Variants in BACE1 observed in about 807,000 individuals in gnomAD.
The protein encoded by BACE1 is APP beta-secretase.
In BACE1, 21 loss-of-function variants were observed where a neutral mutation model predicts 54.0. That is an observed-to-expected ratio of 0.39 (90% CI 0.28 to 0.56). The LOEUF is 0.56. Ranked by LOEUF, BACE1 falls within the 20% of genes least tolerant of loss-of-function variation. The probability of loss-of-function intolerance (pLI) is 0.63; values close to 1 mark genes in which losing one functional copy is unlikely to be tolerated. For synonymous variants in BACE1, 232 were observed against 260.9 expected, an observed-to-expected ratio of 0.89 and a Z score of 1.07; for missense variants, 511 against 661.2, an observed-to-expected ratio of 0.77 and a Z score of 2.49.
intron 1 of BACE1, 148 bp from the exon 2 acceptor site, chr11:117,297,109 C>G: frequency 1.6e-6 from 1 of 625,998 alleles, no homozygotes; most frequent in South Asian, 1.9e-5. Context: ...GGCTGGCACC[C>G]GTTACCACCA....
intron 1 of BACE1, chr11:117,299,752 A>T (rs762700941): frequency 7.6e-5 from 24 of 317,430 alleles, no homozygotes; most frequent in Non-Finnish European, 9.7e-5. Flanking sequence ...GTTCAGATGA[A>T]ATCAACCAGG....
intron 1 of BACE1, among the ~76,000 whole-genome samples, chr11:117,311,788 G>A (rs1172962897): frequency 1.3e-5 from 2 of 151,962 alleles, no homozygotes; most frequent in Admixed American, 6.6e-5. Flanking sequence ...CTACAGGCAC[G>A]CGCCACCACA....
chr11:117,299,165 C>A (rs2034666393), intron 1 of BACE1, among the ~76,000 whole-genome samples: 1 of 152,088 alleles, frequency 6.6e-6, no homozygotes, highest in Non-Finnish European at 1.5e-5. Context: ...TCAGTCAGAC[C>A]AGAGCCATTT....
chr11:117,299,292 C>T (rs1330149576), intron 1 of BACE1, among the ~76,000 whole-genome samples: 5 of 152,182 alleles, frequency 3.3e-5, no homozygotes, highest in South Asian at 2.1e-4. Flanking sequence ...TCAGGTTCTC[C>T]TCTGCCCCAG....
Position 117,290,968 on chromosome 11 carries a change from G to A in BACE1, c.1024C>T (p.Pro342Ser). 1 of 1,614,204 alleles carries A rather than the reference G, an allele frequency of 6.2e-7. No homozygotes were observed. The highest frequency in any genetic ancestry group is 8.5e-7 in the Non-Finnish European group (1 of 1,180,038). Residue 342 changes from proline to serine, a missense_variant, in exon 7 of 9, where the codon CCA becomes TCA. Physicochemically the swap from Pro to Ser is moderately conservative, Grantham distance 74. Transcript: ENST00000313005. ...QAGTTPWNIF[P>S]VISLYLMGEV... ...CCCATTAGGTAGAGTGAGATGACTG[G>A]GAAAATGTTCCAAGGGGTGGTGCCT...
rs777387621 is a variant in BACE1 at position 117,293,079 on chromosome 11, T to C, written c.815A>G (p.Gln272Arg). The change falls in exon 5 of 9, where the codon CAG becomes CGG. Residue 272 changes from glutamine to arginine, a missense_variant. Coordinates refer to ENST00000313005, the MANE Select transcript of BACE1 (RefSeq NM_012104.6). This position sits in a 1 kb window ranked among gnomAD's most constrained non-coding sequence, Gnocchi z 4.1. ...VIIVRVEINGQDLKMDCKEYN... is the reference protein window; with the variant it reads ...VIIVRVEINGRDLKMDCKEYN... ...CTCCTTGCAGTCCATTTTCAGATCC[T>C]GTCCATTGATCTCCACCCGCACAAT... The C allele has an allele frequency of 1.2e-6, 2 of 1,614,076 alleles. No individual in the cohort carries two copies. Among genetic ancestry groups the C allele is most frequent in the South Asian group, 1.1e-5 (1 of 91,056 alleles).
chr11:117,291,581 A>G (rs2034438391), intron 6 of BACE1, 131 bp downstream of exon 6: 3 of 644,422 alleles, frequency 4.7e-6, no homozygotes, highest in Non-Finnish European at 8.1e-6. Context: ...TGGCTAGGGG[A>G]AGAGTGTTTT....
rs571792562 is a variant in BACE1 at position 117,286,107 on chromosome 11, T to A, written c.*3459A>T. 2 of 152,778 alleles carry A rather than the reference T, an allele frequency of 1.3e-5. No individual in the cohort carries two copies. The highest frequency in any genetic ancestry group is 4.1e-4 in the South Asian group (2 of 4,824). The allele number at this position is 152,778 out of a possible 1,614,324, so 9.5% of individuals were successfully genotyped here. ...CCAGACAGGCACTGGGGTGAGGAGA[T>A]GTCTGTGCAAAATTACTTGTAGAAT... On this transcript the variant is annotated 3_prime_UTR_variant, in exon 9 of 9. Transcript: ENST00000313005.
rs146986446 is a variant in BACE1 at position 117,304,884 on chromosome 11, G to A, written c.262-7923C>T. ...TTACCTAGCCCTGAGTAGATGCTCC[G>A]TAATGATTTTTTTTTTAATTGACAG... On this transcript the variant is annotated intron_variant, in intron 1 of 8. Transcript: ENST00000313005. Among the ~76,000 whole-genome samples the A allele has an allele frequency of 6.0e-4, 91 of 151,338 alleles. 1 individual carries two copies. The East Asian group carries it at 0.014, about 24-fold the overall frequency.
In BACE1 at chr11:117,309,911, A is replaced by G. The variant is rs182768559; in HGVS notation, c.261+5624T>C. Among the ~76,000 whole-genome samples the G allele has an allele frequency of 1.4e-4, 21 of 152,144 alleles. No homozygotes were observed. The East Asian group carries it at 3.5e-3, about 25-fold the overall frequency. On this transcript the variant is annotated intron_variant, in intron 1 of 8. Transcript: ENST00000313005. ...AAAATGAGATAACATCCTTTTATTTATTTATTATTTATTTAGAGACAGGGT... is the reference window on the plus strand; with the variant it reads ...AAAATGAGATAACATCCTTTTATTTGTTTATTATTTATTTAGAGACAGGGT...
chr11:117,292,925 C>T, intron 5 of BACE1, 129 bp downstream of exon 5: 1 of 1,175,558 alleles, frequency 8.5e-7, no homozygotes, highest in Non-Finnish European at 1.2e-6. Flanking sequence ...CTGTTCTAGG[C>T]TCAACTTCCA....
In BACE1 at chr11:117,290,992, C is replaced by T. The variant is rs1275908168; in HGVS notation, c.1000G>A (p.Gly334Ser). 6.2e-7 allele frequency: 1 copy of T among 1,614,178 alleles called. No individual in the cohort carries two copies. Residue 334 changes from glycine to serine, a missense_variant, in exon 7 of 9, where the codon GGC becomes AGC. This residue lies in a region of BACE1 where 407 missense variants were observed against 565.7 expected (regional missense o/e 0.72). Coordinates refer to ENST00000313005, the MANE Select transcript of BACE1 (RefSeq NM_012104.6). ...GGGAAAATGTTCCAAGGGGTGGTGCCTGCTTGCCAGCACACCAGCTGCTCT... is the reference window on the plus strand; with the variant it reads ...GGGAAAATGTTCCAAGGGGTGGTGCTTGCTTGCCAGCACACCAGCTGCTCT... ...LGEQLVCWQA[G>S]TTPWNIFPVI...
In BACE1 at chr11:117,285,798, C is replaced by T. The variant is rs567589741; in HGVS notation, c.*3768G>A. 2.6e-5 allele frequency: 4 copies of T among 152,352 alleles called. No homozygotes were observed. The highest frequency in any genetic ancestry group is 2.1e-4 in the South Asian group (1 of 4,812). The allele number at this position is 152,352 out of a possible 1,614,324, so 9.4% of individuals were successfully genotyped here. A position where few individuals can be genotyped will look rare whatever the true frequency, so the allele number is the denominator to read the frequency against. On this transcript the variant is annotated 3_prime_UTR_variant, in exon 9 of 9. Coordinates refer to ENST00000313005, the MANE Select transcript of BACE1 (RefSeq NM_012104.6). ...TTTTACATCACCAAAATTCACAGTCCGAGAATAACAACATAACCAGGTCCC... is the reference window on the plus strand; with the variant it reads ...TTTTACATCACCAAAATTCACAGTCTGAGAATAACAACATAACCAGGTCCC...
At chr11:117,290,277 A>T (rs868333576) in intron 8 of BACE1, among the ~76,000 whole-genome samples, 1 of 152,196 alleles carries the variant, frequency 6.6e-6, no homozygotes, top group African/African-American at 2.4e-5. Context: ...GGTTTCCAAC[A>T]GAGGTTACCA....
rs2134437024 is a variant in BACE1 at position 117,288,211 on chromosome 11, T to C, written c.*1355A>G. 1 of 152,356 alleles carries C rather than the reference T, an allele frequency of 6.6e-6. No individual in the cohort carries two copies. The highest frequency in any genetic ancestry group is 1.5e-5 in the Non-Finnish European group (1 of 68,024). 9.4% of individuals were successfully genotyped at this position (152,356 alleles called of 1,614,324 possible). A position where few individuals can be genotyped will look rare whatever the true frequency, so the allele number is the denominator to read the frequency against. On this transcript the variant is annotated 3_prime_UTR_variant, in exon 9 of 9. Transcript: ENST00000313005. ...AGGAAGCCCTGAGGCTGCCATCCTT[T>C]CTCCAGGCAGCCTTGATACTGAAGG...
At chr11:117,291,986 G>A in intron 5 of BACE1, 173 bp from the exon 6 acceptor site, 1 of 481,542 alleles carries the variant, frequency 2.1e-6, no homozygotes, top group East Asian at 3.4e-5. Context: ...CATCTCTAAA[G>A]TGAGGATAAA....
At position 117,293,980 on chromosome 11, in the gene BACE1, T is replaced by C; in HGVS notation, c.596A>G (p.Asp199Gly). The stretch of plus-strand genomic sequence containing the variant: ...AACGTGGGTCTGCTTTACCAGAGAG[T>C]CAAAGAAAGGCTCCAGGGAGTCGTC... Reference protein sequence around the residue: ...RPDDSLEPFFDSLVKQTHVPN... With the variant: ...RPDDSLEPFFGSLVKQTHVPN... Residue 199 changes from aspartate (D) to glycine (G), a missense_variant, in exon 4 of 9, where the codon GAC (aspartate) becomes GGC (glycine). Around this residue, in one of 2 missense-constraint regions of BACE1, gnomAD observed 407 missense variants for 565.7 expected, o/e 0.72. Transcript: ENST00000313005. The surrounding 1 kb of genome is among the most constrained non-coding windows in gnomAD (Gnocchi z 4.1). The C allele has an allele frequency of 6.2e-7, 1 of 1,613,208 alleles. No homozygotes were observed. The highest frequency in any genetic ancestry group is 1.1e-5 in the South Asian group (1 of 91,016).
intron 2 of BACE1, 187 bp from the exon 3 acceptor site, chr11:117,295,534 A>T (rs1487558915): frequency 6.5e-7 from 1 of 1,535,754 alleles, no homozygotes; most frequent in East Asian, 2.4e-5. Flanking sequence ...TTGCAGATAG[A>T]TGAAGGGAAC....
At chr11:117,294,839 T>G (rs1042139256) in intron 3 of BACE1, among the ~76,000 whole-genome samples, 1 of 151,106 alleles carries the variant, frequency 6.6e-6, no homozygotes, top group Non-Finnish European at 1.5e-5. Flanking sequence ...GAGCCAAGAT[T>G]GCACCATTGC....
Sources: allele counts gnomAD v4.1 joint callset (sites outside exome capture counted in the v4.1 genomes callset), GRCh38; gene constraint gnomAD v4.1.1; regional missense constraint gnomAD v4.1.1; non-coding constraint Gnocchi (gnomAD v3.1); transcripts MANE v1.5; gene names NCBI Gene and HGNC (gene_info 2026-07-23, HGNC 2026-07-21).